MED1: variants seen among roughly 807,000 people sequenced by gnomAD.
MED1 encodes mediator of RNA polymerase II transcription subunit 1.
Under a neutral mutation model 121.3 loss-of-function variants are expected in MED1, and 17 were observed. The observed-to-expected ratio is 0.14, with a 90% CI of 0.10 to 0.21. The LOEUF is 0.21. Ranked by LOEUF, MED1 falls within the 10% of genes least tolerant of loss-of-function variation. MED1 has a pLI of 1.00. For missense variants in MED1, 1,558 were observed against 1,919.4 expected, an observed-to-expected ratio of 0.81 and a Z score of 3.52; for synonymous variants, 661 against 694.4, an observed-to-expected ratio of 0.95 and a Z score of 0.76.
chr17:39,434,284 C>T lies in MED1; in HGVS notation c.465G>A (p.Lys155=), dbSNP rs1263541658. 7 of 1,568,318 alleles carry T rather than the reference C, an allele frequency of 4.5e-6. No homozygotes were observed. Among genetic ancestry groups the T allele is most frequent in the Admixed American group, 2.0e-5 (1 of 49,646 alleles). ...GAAGGTTATACAGATTAACAAGGCC[C>T]TTAAGGTGCTTAGAAAATTCATCAA... The part of the protein sequence containing the change: ...KNFDEFSKHL[K]GLVNLYNLPG... The change falls in exon 7 of 17, where the codon AAG becomes AAA. Residue 155 remains lysine (K), a synonymous_variant. Coordinates refer to ENST00000300651, the MANE Select transcript of MED1 (RefSeq NM_004774.4).
In MED1 at chr17:39,409,347, C is replaced by T. The variant is rs1256216524; in HGVS notation, c.2874G>A (p.Leu958=). ...TTTCTTTCCCTAAGTCCCCAGTGGT[C>T]AGTAAAGGACCCTGACTACCACTGT... ...EHHSGSQGPL[L]TTGDLGKEKT... is the part of the protein sequence containing the mutation. The change falls in exon 17 of 17, where the codon CTG becomes CTA. Residue 958 remains leucine, a synonymous_variant. Transcript: ENST00000300651. 1 of 1,613,870 alleles carries T rather than the reference C, an allele frequency of 6.2e-7. No homozygotes were observed. The highest frequency in any genetic ancestry group is 1.3e-5 in the African/African-American group (1 of 74,818).
Position 39,443,184 on chromosome 17 carries a change from T to C in MED1, c.211+366A>G, listed in dbSNP as rs536142683. Among the ~76,000 whole-genome samples the C allele has an allele frequency of 3.3e-5, 5 of 151,586 alleles. No homozygotes were observed. In the South Asian group the frequency reaches 6.3e-4, roughly 19 times the overall value. On this transcript the variant is annotated intron_variant, in intron 3 of 16. Transcript: ENST00000300651. ...GTCCAGCTAATTTTTGTATTTTTAG[T>C]AGAGACAGGGTTTCACCATGTTGGC...
intron 14 of MED1, among the ~76,000 whole-genome samples, chr17:39,417,273 T>C (rs2048418798): frequency 6.6e-6 from 1 of 150,612 alleles, no homozygotes; most frequent in African/African-American, 2.5e-5. Context: ...AAGGTTGCAG[T>C]GAGTGAAGAT....
rs976409221 is a variant in MED1, at chr17:39,404,415, G to A, written c.*3060C>T. The A allele has an allele frequency of 7.2e-5, 11 of 151,990 alleles. No homozygotes were observed. Among genetic ancestry groups the A allele is most frequent in the African/African-American group, 2.2e-4 (9 of 41,326 alleles). 9.4% of individuals were successfully genotyped at this position (151,990 alleles called of 1,614,324 possible). On this transcript the variant is annotated 3_prime_UTR_variant, in exon 17 of 17. Transcript: ENST00000300651. ...AAAAACCCCAAAGTATTTACAAAACGGCCATATGCACAGAAAACCAAATTT... is the reference window on the plus strand; with the variant it reads ...AAAAACCCCAAAGTATTTACAAAACAGCCATATGCACAGAAAACCAAATTT...
At chr17:39,446,391 A>G (rs1325831622) in intron 2 of MED1, among the ~76,000 whole-genome samples, 1 of 144,086 alleles carries the variant, frequency 6.9e-6, no homozygotes, top group Non-Finnish European at 1.5e-5. Flanking sequence ...CAAAGCTTGC[A>G]GTGAGCCGAG....
At chr17:39,413,681 C>CAGT in intron 16 of MED1, among the ~76,000 whole-genome samples, 1 of 151,856 alleles carries the variant, frequency 6.6e-6, no homozygotes, top group South Asian at 2.1e-4. Context: ...CTTCAGTGAG[C>CAGT]CGTCATCACA....
In MED1 at chr17:39,440,657, T is replaced by C. The variant is rs746524071; in HGVS notation, c.232A>G (p.Thr78Ala). The change falls in exon 4 of 17, where the codon ACT becomes GCT. Residue 78 changes from threonine to alanine, a missense_variant. This residue lies in a region of MED1 where 443 missense variants were observed against 532.4 expected (regional missense o/e 0.83). Coordinates refer to ENST00000300651, the MANE Select transcript of MED1 (RefSeq NM_004774.4). This position sits in a 1 kb window ranked among gnomAD's most constrained non-coding sequence, Gnocchi z 4.1. ...CTTGCTATGGACTCCAAACGATCAG[T>C]CATTGCTGGTAAAGATGTTACTATA... Reference protein sequence around the residue: ...ALKVTSLPAMTDRLESIARQN... With the variant: ...ALKVTSLPAMADRLESIARQN... 6 of 1,613,178 alleles carry C rather than the reference T, an allele frequency of 3.7e-6. No individual in the cohort carries two copies. Among genetic ancestry groups the C allele is most frequent in the Non-Finnish European group, 5.1e-6 (6 of 1,179,572 alleles).
At chr17:39,437,708 G>A (rs1372855344) in intron 6 of MED1, among the ~76,000 whole-genome samples, 3 of 151,988 alleles carry the variant, frequency 2.0e-5, no homozygotes, top group Non-Finnish European at 4.4e-5. Flanking sequence ...GCCAAGGCAG[G>A]AGGATCACCT....
At chr17:39,431,227 CCT>C (rs1567648208) in intron 8 of MED1, 39 bp from the exon 9 acceptor site, 1 of 1,515,182 alleles carries the variant, frequency 6.6e-7, no homozygotes, top group Non-Finnish European at 9.2e-7. Flanking sequence ...ATATTTAATC[CCT>C]GATGGTCTTG....
At chr17:39,439,299 A>G in intron 5 of MED1, 106 bp from the exon 6 acceptor site, 2 of 798,664 alleles carry the variant, frequency 2.5e-6, no homozygotes, top group East Asian at 2.8e-5. Flanking sequence ...CAACAAAACC[A>G]TTAAAACTAC....
intron 6 of MED1, 32 bp downstream of exon 6, chr17:39,439,133 A>G: frequency 6.3e-7 from 1 of 1,583,756 alleles, no homozygotes; most frequent in Non-Finnish European, 8.6e-7. Flanking sequence ...ACTGTCTGTC[A>G]ATATCAAGGA....
intron 10 of MED1, among the ~76,000 whole-genome samples, chr17:39,425,602 G>C (rs2048507351): frequency 6.6e-6 from 1 of 152,046 alleles, no homozygotes; most frequent in Non-Finnish European, 1.5e-5. Context: ...AGGGGTTCAA[G>C]ACCAGCCTGC....
At chr17:39,430,120 C>T (rs1040362295) in intron 9 of MED1, among the ~76,000 whole-genome samples, 2 of 151,768 alleles carry the variant, frequency 1.3e-5, no homozygotes, top group African/African-American at 4.8e-5. Flanking sequence ...GTGGCTAATA[C>T]CTGTTTGTAA....
intron 3 of MED1, among the ~76,000 whole-genome samples, chr17:39,442,933 C>A (rs2144769843): frequency 7.0e-6 from 1 of 143,174 alleles, no homozygotes. Context: ...AAAAAAAAGT[C>A]CATCTTCTTA....
At chr17:39,439,846 G>A (rs1567651839) in intron 5 of MED1, among the ~76,000 whole-genome samples, 1 of 151,764 alleles carries the variant, frequency 6.6e-6, no homozygotes, top group South Asian at 2.1e-4. Context: ...GCTGAGGCAG[G>A]AGAATTGCTT....
chr17:39,409,581 T>C lies in MED1; in HGVS notation c.2640A>G (p.Glu880=), dbSNP rs968333644. The change falls in exon 17 of 17, where the codon GAA becomes GAG. Residue 880 remains glutamate, a synonymous_variant. Transcript: ENST00000300651. Reference sequence around the variant, plus strand: ...TTTGGCTGCTTTCATCAAAATATTCTTCTCCAAAACCACTTTGGCTCTGGC... The same window carrying C: ...TTTGGCTGCTTTCATCAAAATATTCCTCTCCAAAACCACTTTGGCTCTGGC... ...LNSQSQSGFG[E]EYFDESSQSG... 6.8e-6 allele frequency: 11 copies of C among 1,614,204 alleles called. No individual in the cohort carries two copies. Among genetic ancestry groups the C allele is most frequent in the Non-Finnish European group, 9.3e-6 (11 of 1,180,032 alleles).
chr17:39,423,315 G>A lies in MED1; in HGVS notation c.1095+12C>T, dbSNP rs761442089. 1 of 1,555,088 alleles carries A rather than the reference G, an allele frequency of 6.4e-7. No individual in the cohort carries two copies. Among genetic ancestry groups the A allele is most frequent in the East Asian group, 2.2e-5 (1 of 44,586 alleles). ...AACCTACAACATTCTAGCTCCCTAG[G>A]GCTTTACTTACAGCATAAAATCTCA... On this transcript the variant is annotated intron_variant, in intron 13 of 16. Coordinates refer to ENST00000300651, the MANE Select transcript of MED1 (RefSeq NM_004774.4).
intron 2 of MED1, among the ~76,000 whole-genome samples, chr17:39,445,249 G>A (rs1004480724): frequency 1.9e-4 from 28 of 150,460 alleles, no homozygotes; most frequent in Non-Finnish European, 1.2e-4. Context: ...GTCTCGCTCC[G>A]ATGCCCAGAC....
Position 39,410,203 on chromosome 17 carries a change from G to T in MED1, c.2018C>A (p.Ser673Tyr), listed in dbSNP as rs371665944. ...SSPLERQNSSSGSPRMEICSG... is the reference protein window; with the variant it reads ...SSPLERQNSSYGSPRMEICSG... ...GCATATTTCCATGCGGGGTGAGCCG[G>T]AAGAGGAGTTCTGCCTTTCTAAAGG... Residue 673 changes from serine (S) to tyrosine (Y), a missense_variant, in exon 17 of 17, where the codon TCC becomes TAC. Around this residue, in one of 5 missense-constraint regions of MED1, gnomAD observed 793 missense variants for 898.2 expected, o/e 0.88. Transcript: ENST00000300651. 1.2e-6 allele frequency: 2 copies of T among 1,614,046 alleles called. No individual in the cohort carries two copies. The highest frequency in any genetic ancestry group is 1.7e-6 in the Non-Finnish European group (2 of 1,180,028).
Sources: gnomAD v4.1 joint callset for allele counts (sites outside exome capture counted in the v4.1 genomes callset) on GRCh38, gnomAD v4.1.1 for gene constraint, gnomAD v4.1.1 regional missense constraint, Gnocchi (gnomAD v3.1) non-coding constraint, MANE v1.5 for transcripts, NCBI Gene and HGNC (gene_info 2026-07-23, HGNC 2026-07-21) for gene names.